Variants in RAPGEF2 observed in about 807,000 individuals in gnomAD.
The protein encoded by RAPGEF2 is Rap guanine nucleotide exchange factor 2.
A neutral mutation model predicts 186.7 loss-of-function variants in RAPGEF2; 54 were observed. The observed-to-expected ratio is 0.29, with a 90% CI of 0.23 to 0.36. RAPGEF2 has a LOEUF of 0.36. Ranked by LOEUF, RAPGEF2 falls within the 10% of genes least tolerant of loss-of-function variation. The probability of loss-of-function intolerance (pLI) is 1.00; values close to 1 mark genes in which losing one functional copy is unlikely to be tolerated. For synonymous variants in RAPGEF2, 712 were observed against 705.9 expected (o/e 1.01, Z -0.14); for missense variants, 1,532 against 2,045.0 (o/e 0.75, Z 4.84).
At chr4:159,295,728 T>A (rs958192006) in intron 7 of RAPGEF2, among the ~76,000 whole-genome samples, 8 of 75,716 alleles carry the variant, frequency 1.1e-4, no homozygotes, top group South Asian at 3.6e-4. Context: ...TGAGTGTGTG[T>A]GTGTGTGTGT....
chr4:159,330,223 C>T (rs1191815048), intron 12 of RAPGEF2, 111 bp from the exon 13 acceptor site: 1 of 869,858 alleles, frequency 1.1e-6, no homozygotes, highest in Non-Finnish European at 1.7e-6. Context: ...TTTGAAATCC[C>T]AGTACCATAT....
rs561192730 is a variant in RAPGEF2 at position 159,239,570 on chromosome 4, ATT to A, written c.357+687_357+688del. ...TAAACAGAGATTATACATAGAACAT[ATT>A]GTTAAAATAGATATTAGCAACATAC... On this transcript the variant is annotated intron_variant, in intron 5 of 29. Transcript: ENST00000691494. 5.3e-5 allele frequency among the ~76,000 whole-genome samples: 8 copies of A among 152,338 alleles called. No homozygotes were observed. The East Asian group carries it at 1.2e-3, about 22-fold the overall frequency.
intron 23 of RAPGEF2, 124 bp downstream of exon 23, chr4:159,344,183 T>A: frequency 1.0e-6 from 1 of 995,916 alleles, no homozygotes; most frequent in Non-Finnish European, 1.6e-6. Flanking sequence ...CCTCGTGCTG[T>A]AGCAGAATTT....
At chr4:159,106,297 A>G (rs1345166841) in intron 1 of RAPGEF2, among the ~76,000 whole-genome samples, 1 of 152,240 alleles carries the variant, frequency 6.6e-6, no homozygotes, top group Non-Finnish European at 1.5e-5. Context: ...TTATTACTAC[A>G]AATCCCCACG....
intron 4 of RAPGEF2, among the ~76,000 whole-genome samples, chr4:159,216,410 G>T (rs1750998617): frequency 6.6e-6 from 1 of 152,122 alleles, no homozygotes; most frequent in Admixed American, 6.5e-5. Context: ...TTTTAAGGGG[G>T]TATTTTCTGA....
intron 4 of RAPGEF2, among the ~76,000 whole-genome samples, chr4:159,217,671 C>T (rs1248829695): frequency 6.6e-6 from 1 of 152,076 alleles, no homozygotes; most frequent in East Asian, 1.9e-4. Context: ...GGTTATATAC[C>T]CAGTAATGGG....
intron 2 of RAPGEF2, 28 bp from the exon 3 acceptor site, chr4:159,193,172 T>G (rs1444760879): frequency 7.1e-7 from 1 of 1,414,664 alleles, no homozygotes; most frequent in Non-Finnish European, 9.3e-7. Flanking sequence ...TGACAGATGT[T>G]GAACTCATGT....
At chr4:159,298,444 A>G (rs187660436) in intron 7 of RAPGEF2, among the ~76,000 whole-genome samples, 1 of 152,304 alleles carries the variant, frequency 6.6e-6, no homozygotes, top group East Asian at 1.9e-4. Context: ...TCTTACAGAG[A>G]TAGGATTTAA....
intron 1 of RAPGEF2, among the ~76,000 whole-genome samples, chr4:159,116,427 AAAC>A (rs1284209105): frequency 1.6e-4 from 24 of 152,324 alleles, no homozygotes; most frequent in Admixed American, 2.6e-4. Context: ...AAAAGTCAGG[AAAC>A]AACAGATGCT....
At chr4:159,113,199 G>A (rs993453263) in intron 1 of RAPGEF2, among the ~76,000 whole-genome samples, 2 of 152,130 alleles carry the variant, frequency 1.3e-5, no homozygotes, top group African/African-American at 4.8e-5. Context: ...ATTGATCCTG[G>A]ACAAGAACAA....
chr4:159,346,707 C>A, intron 24 of RAPGEF2, 82 bp from the exon 25 acceptor site: 2 of 1,180,050 alleles, frequency 1.7e-6, no homozygotes, highest in Non-Finnish European at 2.4e-6. Context: ...AGAAAATGCT[C>A]ACACAGTTCT....
At position 159,260,282 on chromosome 4, in the gene RAPGEF2, AT is replaced by A. The variant is rs879644732; in HGVS notation, c.543+16506del. 9.4e-3 allele frequency among the ~76,000 whole-genome samples: 1,358 copies of A among 144,278 alleles called. 4 individuals are homozygous for A. The highest frequency in any genetic ancestry group is 0.016 in the African/African-American group (640 of 39,638). 94.7% of individuals were successfully genotyped at this position (144,278 alleles called of 152,430 possible). A position where few individuals can be genotyped will look rare whatever the true frequency, so the allele number is the denominator to read the frequency against. On this transcript the variant is annotated intron_variant, in intron 7 of 29. Coordinates refer to ENST00000691494, the MANE Select transcript of RAPGEF2 (RefSeq NM_001394067.2). ...TGTGTGAGCCACTGCACCCAGCCTA[AT>A]TTTTTTTTTTTTTTAAAGTAAGGGA...
chr4:159,269,889 G>C (rs369591228), intron 7 of RAPGEF2, among the ~76,000 whole-genome samples: 3 of 152,136 alleles, frequency 2.0e-5, no homozygotes, highest in East Asian at 1.9e-4. Flanking sequence ...CTGCCAGGAG[G>C]AGGAAAACAC....
At chr4:159,161,735 A>G (rs1019851827) in intron 1 of RAPGEF2, among the ~76,000 whole-genome samples, 5 of 152,172 alleles carry the variant, frequency 3.3e-5, no homozygotes, top group Non-Finnish European at 7.4e-5. Context: ...AAAAAAATTT[A>G]GATTGTGATG....
At chr4:159,202,946 C>T (rs1242284181) in intron 3 of RAPGEF2, among the ~76,000 whole-genome samples, 2 of 152,200 alleles carry the variant, frequency 1.3e-5, no homozygotes, top group Non-Finnish European at 2.9e-5. Flanking sequence ...CTTAAGTTTT[C>T]ACATTGTATT....
At chr4:159,244,315 A>C (rs1389078172) in intron 7 of RAPGEF2, among the ~76,000 whole-genome samples, 1 of 151,878 alleles carries the variant, frequency 6.6e-6, no homozygotes, top group Non-Finnish European at 1.5e-5. Flanking sequence ...CAAAGTTTAA[A>C]ATCTCTTGTA....
intron 7 of RAPGEF2, among the ~76,000 whole-genome samples, chr4:159,270,106 C>T (rs929423754): frequency 6.6e-6 from 1 of 152,168 alleles, no homozygotes; most frequent in African/African-American, 2.4e-5. Flanking sequence ...AGTGGTATTG[C>T]CCATGACACT....
chr4:159,149,545 C>T (rs4690931), intron 1 of RAPGEF2, among the ~76,000 whole-genome samples: 2 of 152,072 alleles, frequency 1.3e-5, no homozygotes, highest in East Asian at 3.9e-4. Context: ...GTGTGAGCCA[C>T]CGCGCCTGGC....
chr4:159,104,077 C>A lies in RAPGEF2; in HGVS notation c.-86C>A. 1 of 797,078 alleles carries A rather than the reference C, an allele frequency of 1.3e-6. No individual in the cohort carries two copies. Among genetic ancestry groups the A allele is most frequent in the Non-Finnish European group, 1.6e-6 (1 of 620,712 alleles). The allele number at this position is 797,078 out of a possible 1,614,324, so 49.4% of individuals were successfully genotyped here. A position where few individuals can be genotyped will look rare whatever the true frequency, so the allele number is the denominator to read the frequency against. Reference sequence around the variant, plus strand: ...GTCGCGGGCGGGCGGGCGGGCGCAGCGCGCAGGGCGGAGGCAGCAGCGGCG... The same window carrying A: ...GTCGCGGGCGGGCGGGCGGGCGCAGAGCGCAGGGCGGAGGCAGCAGCGGCG... On this transcript the variant is annotated 5_prime_UTR_variant, in exon 1 of 30. Transcript: ENST00000691494.
Sources: allele counts gnomAD v4.1 joint callset (sites outside exome capture counted in the v4.1 genomes callset), GRCh38; gene constraint gnomAD v4.1.1; transcripts MANE v1.5; gene names NCBI Gene and HGNC (gene_info 2026-07-23, HGNC 2026-07-21).